The following KDM8 variants were observed in gnomAD, a reference collection of about 807,000 sequenced individuals.
KDM8 encodes the protein lysine demethylase 8.
KDM8 carries 35 observed loss-of-function variants against 46.9 expected under a neutral mutation model. The ratio of observed to expected loss-of-function variants is 0.75; its 90% CI spans 0.57 to 0.99. The LOEUF is 0.99. Ranked by LOEUF, KDM8 falls within the 50% of genes least tolerant of loss-of-function variation. The probability of loss-of-function intolerance (pLI) is 0.00; values close to 1 mark genes in which losing one functional copy is unlikely to be tolerated. For synonymous variants in KDM8, 232 were observed against 227.7 expected, an observed-to-expected ratio of 1.02 and a Z score of -0.17; for missense variants, 475 against 537.0, an observed-to-expected ratio of 0.88 and a Z score of 1.14.
chr16:27,206,656 A>G (rs1308353156), intron 1 of KDM8, among the ~76,000 whole-genome samples: 1 of 152,242 alleles, frequency 6.6e-6, no homozygotes, highest in Non-Finnish European at 1.5e-5. Context: ...TACTCTGGCT[A>G]GTCCTTTCCT....
intron 2 of KDM8, among the ~76,000 whole-genome samples, chr16:27,212,458 G>A (rs905438066): frequency 1.3e-5 from 2 of 152,192 alleles, no homozygotes; most frequent in Non-Finnish European, 2.9e-5. Context: ...TGCAGGCCGG[G>A]CATGGTGGCT....
rs923449523 is a variant in KDM8, at chr16:27,221,495, C to T, written c.*765C>T. 11 of 152,782 alleles carry T rather than the reference C, an allele frequency of 7.2e-5. No individual in the cohort carries two copies. The highest frequency in any genetic ancestry group is 1.6e-4 in the Non-Finnish European group (11 of 68,534). 9.5% of individuals were successfully genotyped at this position (152,782 alleles called of 1,614,324 possible). A position where few individuals can be genotyped will look rare whatever the true frequency, so the allele number is the denominator to read the frequency against. The stretch of plus-strand genomic sequence containing the variant: ...TGCTGGATGACTTTTCACCCGCACT[C>T]ACCCAGGAGCAGGCTCCCAAGTGAA... On this transcript the variant is annotated 3_prime_UTR_variant, in exon 8 of 8. Transcript: ENST00000286096.
At position 27,221,336 on chromosome 16, in the gene KDM8, G is replaced by C. The variant is rs1342109995; in HGVS notation, c.*606G>C. On this transcript the variant is annotated 3_prime_UTR_variant, in exon 8 of 8. Coordinates refer to ENST00000286096, the MANE Select transcript of KDM8 (RefSeq NM_024773.3). ...CAGCCTGAATACTGGAGAGAGCTGGGCATTGCCCAGGTCACAGGAGAGAGT... is the reference window on the plus strand; with the variant it reads ...CAGCCTGAATACTGGAGAGAGCTGGCCATTGCCCAGGTCACAGGAGAGAGT... 4.9e-6 allele frequency: 1 copy of C among 203,574 alleles called. No homozygotes were observed. Among genetic ancestry groups the C allele is most frequent in the Admixed American group, 5.3e-5 (1 of 18,998 alleles). The allele number at this position is 203,574 out of a possible 1,614,324, so 12.6% of individuals were successfully genotyped here.
chr16:27,209,352 G>A (rs1473279027), intron 1 of KDM8, among the ~76,000 whole-genome samples: 1 of 152,188 alleles, frequency 6.6e-6, no homozygotes, highest in Non-Finnish European at 1.5e-5. Flanking sequence ...TTAATCTCCT[G>A]AGTAGCTGGG....
rs534437190 is a variant in KDM8, at chr16:27,211,924, C to G, written c.498+1303C>G. Among the ~76,000 whole-genome samples the G allele has an allele frequency of 2.6e-5, 4 of 152,276 alleles. No homozygotes were observed. The South Asian group carries it at 8.3e-4, about 32-fold the overall frequency. On this transcript the variant is annotated intron_variant, in intron 2 of 7. Transcript: ENST00000286096. ...ACCTCAGGTGATCCACCCACCTCAG[C>G]CTCCTAAGTGCTGGGATTACAGGCG...
At chr16:27,204,192 G>A (rs1447580838) in intron 1 of KDM8, 2 of 1,479,156 alleles carry the variant, frequency 1.4e-6, no homozygotes, top group South Asian at 2.6e-5. Context: ...GGGACCCTCT[G>A]GGGCCTGGGT....
intron 4 of KDM8, 123 bp downstream of exon 4, chr16:27,215,131 T>C: frequency 8.6e-7 from 1 of 1,156,340 alleles, no homozygotes; most frequent in East Asian, 2.4e-5. Flanking sequence ...AAGTCTGTGG[T>C]CGGAGGGACG....
chr16:27,206,225 T>C, intron 1 of KDM8: 1 of 983,916 alleles, frequency 1.0e-6, no homozygotes, highest in Non-Finnish European at 1.2e-6. Flanking sequence ...CTTGACTCCC[T>C]CCTTTGGAAG....
Position 27,210,217 on chromosome 16 carries a change from G to T in KDM8, c.94G>T (p.Asp32Tyr). The T allele has an allele frequency of 6.2e-7, 1 of 1,613,398 alleles. No homozygotes were observed. Among genetic ancestry groups the T allele is most frequent in the Non-Finnish European group, 8.5e-7 (1 of 1,180,050 alleles). Residue 32 changes from aspartate to tyrosine, a missense_variant, in exon 2 of 8, where the codon GAC (aspartate) becomes TAC (tyrosine). By Grantham distance (160) the Asp-to-Tyr change is radical. Transcript: ENST00000286096. ...GGCGCTCCTGCCGCACAGTAAAGAA[G>T]ACCTGAAGTTGGACCTCGGGGAGAA... Reference protein sequence around the residue: ...LRALLPHSKEDLKLDLGEKVE... With the variant: ...LRALLPHSKEYLKLDLGEKVE...
chr16:27,204,127 C>G (rs1241007131), intron 1 of KDM8: 1 of 1,544,346 alleles, frequency 6.5e-7, no homozygotes. Context: ...GGGGAAGGCG[C>G]TGAGGAGGGA....
At chr16:27,213,322 T>G in intron 2 of KDM8, 1 of 371,038 alleles carries the variant, frequency 2.7e-6, no homozygotes, top group South Asian at 3.5e-5. Flanking sequence ...AGATAGTAAG[T>G]TTTCCTTTAT....
At chr16:27,204,256 C>A (rs1316718013) in intron 1 of KDM8, 2 of 1,406,344 alleles carry the variant, frequency 1.4e-6, no homozygotes, top group Non-Finnish European at 1.9e-6. Context: ...TAACGATGGG[C>A]ATCGGTGCGT....
chr16:27,206,960 T>G (rs567745472), intron 1 of KDM8, among the ~76,000 whole-genome samples: 1 of 152,334 alleles, frequency 6.6e-6, no homozygotes, highest in East Asian at 1.9e-4. Context: ...CAGGAGCCAA[T>G]GTGAGGCTGC....
intron 2 of KDM8, among the ~76,000 whole-genome samples, chr16:27,212,852 G>A (rs2083500446): frequency 6.6e-6 from 1 of 152,148 alleles, no homozygotes; most frequent in South Asian, 2.1e-4. Context: ...CCACCACGCC[G>A]AGCTTTTTAA....
chr16:27,205,973 G>A (rs1450601092), intron 1 of KDM8, among the ~76,000 whole-genome samples: 1 of 152,218 alleles, frequency 6.6e-6, no homozygotes, highest in Non-Finnish European at 1.5e-5. Context: ...CCACATTTGG[G>A]TTACGGTAGG....
chr16:27,205,108 C>T (rs925712175), intron 1 of KDM8, among the ~76,000 whole-genome samples: 2 of 152,166 alleles, frequency 1.3e-5, no homozygotes, highest in African/African-American at 4.8e-5. Context: ...CATAACCTAC[C>T]AGGGACCTAC....
intron 5 of KDM8, among the ~76,000 whole-genome samples, chr16:27,218,326 C>T (rs924417515): frequency 2.6e-5 from 4 of 152,172 alleles, no homozygotes; most frequent in South Asian, 2.1e-4. Flanking sequence ...CAGGCCACTG[C>T]GGCCCTGCCC....
At chr16:27,218,400 C>T (rs7194268) in intron 5 of KDM8, among the ~76,000 whole-genome samples, 169 of 152,312 alleles carry the variant, frequency 1.1e-3, no homozygotes, top group African/African-American at 3.8e-3. Context: ...CATGGGGAGC[C>T]GCGCCACCCT....
At chr16:27,214,544 C>T (rs1379047828) in intron 3 of KDM8, 4 of 275,154 alleles carry the variant, frequency 1.5e-5, no homozygotes, top group Non-Finnish European at 2.9e-5. Flanking sequence ...ACGCTGTCCG[C>T]TATTTGTTCA....
Sources: allele counts gnomAD v4.1 joint callset (sites outside exome capture counted in the v4.1 genomes callset), GRCh38; gene constraint gnomAD v4.1.1; transcripts MANE v1.5; gene names NCBI Gene and HGNC (gene_info 2026-07-23, HGNC 2026-07-21).